Variants in DTWD2 observed in about 807,000 individuals in gnomAD.
The protein encoded by DTWD2 is DTW motif tRNA-uridine aminocarboxypropyltransferase 2.
In DTWD2, 39 loss-of-function variants were observed where a neutral mutation model predicts 31.8. The ratio of observed to expected loss-of-function variants is 1.22; its 90% CI spans 0.95 to 1.60. DTWD2 has a LOEUF of 1.60. Among genes scored for constraint, DTWD2 ranks in the 40% most tolerant of loss-of-function variants. DTWD2 has a pLI of 0.00. For synonymous variants in DTWD2, 180 were observed against 142.8 expected, an observed-to-expected ratio of 1.26 and a Z score of -1.86; for missense variants, 515 against 381.5, an observed-to-expected ratio of 1.35 and a Z score of -2.92.
At chr5:118,931,514 G>C (rs987241076) in intron 3 of DTWD2, among the ~76,000 whole-genome samples, 3 of 150,884 alleles carry the variant, frequency 2.0e-5, no homozygotes, top group African/African-American at 7.3e-5. Context: ...ATAATAACAA[G>C]AGTCAATTCT....
intron 1 of DTWD2, among the ~76,000 whole-genome samples, chr5:118,969,810 A>G (rs752995646): frequency 6.6e-6 from 1 of 152,174 alleles, no homozygotes; most frequent in Non-Finnish European, 1.5e-5. Flanking sequence ...CAGCATGGGT[A>G]CAGAACTAGG....
At chr5:118,986,952 G>C (rs189789112) in intron 1 of DTWD2, among the ~76,000 whole-genome samples, 1 of 152,092 alleles carries the variant, frequency 6.6e-6, no homozygotes, top group African/African-American at 2.4e-5. Flanking sequence ...TTAACTAAAC[G>C]TAACTGAAAA....
intron 1 of DTWD2, among the ~76,000 whole-genome samples, chr5:118,987,781 A>G (rs1443018699): frequency 2.0e-5 from 3 of 152,224 alleles, no homozygotes; most frequent in African/African-American, 7.2e-5. Context: ...ATGATAATTT[A>G]CCATGAAAAC....
chr5:118,927,774 T>C (rs1170948827), intron 4 of DTWD2, among the ~76,000 whole-genome samples: 1 of 152,140 alleles, frequency 6.6e-6, no homozygotes, highest in African/African-American at 2.4e-5. Context: ...CAGAACCAAG[T>C]GATTTCACCA....
chr5:118,943,861 A>G (rs1352783650), intron 2 of DTWD2, among the ~76,000 whole-genome samples: 1 of 152,256 alleles, frequency 6.6e-6, no homozygotes, highest in Non-Finnish European at 1.5e-5. Context: ...ATTCCTTCTT[A>G]GAAAGCTTGA....
intron 4 of DTWD2, among the ~76,000 whole-genome samples, chr5:118,850,477 C>CAAAAAAAAAAAAA (rs34808087): frequency 1.3e-4 from 4 of 30,466 alleles, no homozygotes; most frequent in Non-Finnish European, 1.9e-4. Flanking sequence ...GACCCCACCA[C>CAAAAAAAAAAAAA]AAAAAAAAAA....
Position 118,944,559 on chromosome 5 carries a change from C to A in DTWD2, c.309G>T (p.Glu103Asp), listed in dbSNP as rs148893773. The change falls in exon 2 of 6, where the codon GAG (glutamate) becomes GAT (aspartate). Residue 103 changes from glutamate (E) to aspartate (D), a missense_variant and splice_region_variant. Coordinates refer to ENST00000510708, the MANE Select transcript of DTWD2 (RefSeq NM_173666.4). ...THLYIIQHPA[E>D]ENKVLRTVPL... The stretch of plus-strand genomic sequence containing the variant: ...AATCCTGTATTTTACAAAATCTTAC[C>A]TCTGCTGGATGCTGAATTATGTACA... 6.0e-5 allele frequency: 96 copies of A among 1,612,290 alleles called. No homozygotes were observed. The African/African-American group carries it at 1.2e-3, about 20-fold the overall frequency.
intron 4 of DTWD2, among the ~76,000 whole-genome samples, chr5:118,871,227 C>T (rs935127441): frequency 6.6e-6 from 1 of 152,160 alleles, no homozygotes; most frequent in East Asian, 1.9e-4. Flanking sequence ...TTGTTATTTT[C>T]ACTATATCTG....
At chr5:118,935,620 G>A (rs1209377574) in intron 3 of DTWD2, among the ~76,000 whole-genome samples, 1 of 152,154 alleles carries the variant, frequency 6.6e-6, no homozygotes, top group Non-Finnish European at 1.5e-5. Context: ...CACCACAGCA[G>A]AGGAAAAATG....
At chr5:118,959,032 C>T (rs1015946311) in intron 1 of DTWD2, among the ~76,000 whole-genome samples, 3 of 152,184 alleles carry the variant, frequency 2.0e-5, no homozygotes, top group Non-Finnish European at 1.5e-5. Flanking sequence ...CCCTTGAGAA[C>T]TGGAACATGA....
Position 118,975,718 on chromosome 5 carries a change from G to C in DTWD2, c.218+12576C>G, listed in dbSNP as rs1272963949. ...ACCTTTGGATGGGGTTTCTGTAAGA[G>C]ACTTAGACTCCCACACAATAACAGT... On this transcript the variant is annotated intron_variant, in intron 1 of 5. Coordinates refer to ENST00000510708, the MANE Select transcript of DTWD2 (RefSeq NM_173666.4). 2.0e-5 allele frequency among the ~76,000 whole-genome samples: 3 copies of C among 152,234 alleles called. No homozygotes were observed. In the South Asian group the frequency reaches 6.2e-4, roughly 32 times the overall value.
chr5:118,920,951 G>C (rs1456685444), intron 4 of DTWD2, among the ~76,000 whole-genome samples: 1 of 152,174 alleles, frequency 6.6e-6, no homozygotes, highest in East Asian at 1.9e-4. Flanking sequence ...ATAAAGAATG[G>C]ATGGAAGTAG....
chr5:118,911,213 T>C (rs1012340852), intron 4 of DTWD2, among the ~76,000 whole-genome samples: 1 of 152,228 alleles, frequency 6.6e-6, no homozygotes, highest in South Asian at 2.1e-4. Context: ...ACTAACTGAT[T>C]GTGCCACTGG....
intron 4 of DTWD2, among the ~76,000 whole-genome samples, chr5:118,855,790 C>A (rs1446718654): frequency 6.6e-6 from 1 of 152,076 alleles, no homozygotes; most frequent in African/African-American, 2.4e-5. Context: ...TAAAGACTTA[C>A]AAGATTTAGA....
intron 1 of DTWD2, among the ~76,000 whole-genome samples, chr5:118,977,112 A>G (rs958651947): frequency 6.6e-6 from 1 of 152,248 alleles, no homozygotes; most frequent in Non-Finnish European, 1.5e-5. Context: ...AAAAATGCAC[A>G]AAAAGCCTTT....
At chr5:118,963,277 G>C (rs959605078) in intron 1 of DTWD2, among the ~76,000 whole-genome samples, 7 of 152,230 alleles carry the variant, frequency 4.6e-5, no homozygotes, top group Non-Finnish European at 8.8e-5. Context: ...TTTCATGCAA[G>C]ACATGGAACT....
intron 4 of DTWD2, among the ~76,000 whole-genome samples, chr5:118,850,874 T>C (rs1751984841): frequency 6.6e-6 from 1 of 152,136 alleles, no homozygotes; most frequent in Non-Finnish European, 1.5e-5. Context: ...AATACATTTT[T>C]CAAAAGAGGA....
rs145710475 is a variant in DTWD2, at chr5:118,875,120, C to T, written c.598-26902G>A. 5.5e-3 allele frequency among the ~76,000 whole-genome samples: 838 copies of T among 152,036 alleles called. 5 individuals carry two copies. Among genetic ancestry groups the T allele is most frequent in the African/African-American group, 0.019 (771 of 41,460 alleles). ...CATAACTACCAAACTAAGATTCATA[C>T]GGAGAAAAAAGTAAGATCATTTTCA... On this transcript the variant is annotated intron_variant, in intron 4 of 5. Transcript: ENST00000510708.
chr5:118,909,740 C>G (rs1004052931), intron 4 of DTWD2, among the ~76,000 whole-genome samples: 3 of 152,232 alleles, frequency 2.0e-5, no homozygotes, highest in African/African-American at 7.2e-5. Context: ...TCCCACAATT[C>G]TTGCCACCAA....
Sources: gnomAD v4.1 joint callset for allele counts (sites outside exome capture counted in the v4.1 genomes callset) on GRCh38, gnomAD v4.1.1 for gene constraint, MANE v1.5 for transcripts, NCBI Gene and HGNC (gene_info 2026-07-23, HGNC 2026-07-21) for gene names.